S100PBP: variants seen among roughly 807,000 people sequenced by gnomAD.
S100PBP encodes S100P-binding protein.
In S100PBP, 15 loss-of-function variants were observed where a neutral mutation model predicts 39.9. The observed-to-expected ratio is 0.38, with a 90% CI of 0.25 to 0.58. S100PBP has a LOEUF of 0.58. Among genes scored for constraint, S100PBP ranks in the 20% least tolerant of loss-of-function variants. S100PBP has a pLI of 0.70. For missense variants in S100PBP, 504 were observed against 487.3 expected (o/e 1.03, Z -0.32); for synonymous variants, 178 against 180.3 (o/e 0.99, Z 0.10).
intron 5 of S100PBP, among the ~76,000 whole-genome samples, chr1:32,838,355 A>G (rs1639936941): frequency 6.8e-6 from 1 of 147,874 alleles, no homozygotes. Context: ...AAAAAAAAAG[A>G]AAAGAAAAGA....
Position 32,856,078 on chromosome 1 carries a change from G to A in S100PBP, c.*40G>A. The A allele has an allele frequency of 7.7e-7, 1 of 1,301,308 alleles. No individual in the cohort carries two copies. Among genetic ancestry groups the A allele is most frequent in the Non-Finnish European group, 1.1e-6 (1 of 899,050 alleles). The allele number at this position is 1,301,308 out of a possible 1,614,324, so 80.6% of individuals were successfully genotyped here. A position where few individuals can be genotyped will look rare whatever the true frequency, so the allele number is the denominator to read the frequency against. ...TCAGCAATGAAGGTCCCTATCCAGG[G>A]TCCTGCTTGGAGCAGCATTTCATGT... On this transcript the variant is annotated 3_prime_UTR_variant, in exon 7 of 7. Transcript: ENST00000373475.
At chr1:32,848,261 C>G (rs1158080403) in intron 5 of S100PBP, among the ~76,000 whole-genome samples, 1 of 151,936 alleles carries the variant, frequency 6.6e-6, no homozygotes, top group South Asian at 2.1e-4. Context: ...GAGCCAATAT[C>G]GAGTCACTGC....
intron 1 of S100PBP, among the ~76,000 whole-genome samples, chr1:32,822,473 C>T (rs1054724745): frequency 7.9e-5 from 12 of 151,642 alleles, no homozygotes; most frequent in Non-Finnish European, 1.2e-4. Flanking sequence ...ATTAGCCAGG[C>T]GTGGTGGCGG....
At chr1:32,848,076 A>G (rs1252394549) in intron 5 of S100PBP, among the ~76,000 whole-genome samples, 1 of 152,186 alleles carries the variant, frequency 6.6e-6, no homozygotes, top group African/African-American at 2.4e-5. Context: ...TGGGAGGCCA[A>G]GGTGGGTGGA....
chr1:32,818,212 T>A (rs1280861803), intron 1 of S100PBP: 4 of 152,218 alleles, frequency 2.6e-5, no homozygotes, highest in South Asian at 2.1e-4. Flanking sequence ...AACTCTCGCT[T>A]CTCCCGCTTT....
intron 1 of S100PBP, among the ~76,000 whole-genome samples, chr1:32,819,223 A>G (rs990569716): frequency 6.6e-6 from 1 of 152,170 alleles, no homozygotes; most frequent in South Asian, 2.1e-4. Flanking sequence ...TGGGGTGTAG[A>G]GGAACTAAGA....
chr1:32,826,938 T>A lies in S100PBP; in HGVS notation c.831+8T>A. 6.5e-7 allele frequency: 1 copy of A among 1,528,900 alleles called. No homozygotes were observed. Among genetic ancestry groups the A allele is most frequent in the Non-Finnish European group, 8.8e-7 (1 of 1,130,350 alleles). 94.7% of individuals were successfully genotyped at this position (1,528,900 alleles called of 1,614,324 possible). ...TCCACCTCATCAAACAAAGTAAGTATATTTTATTCAAGGTGAAGAGAAAAA... is the reference window on the plus strand; with the variant it reads ...TCCACCTCATCAAACAAAGTAAGTAAATTTTATTCAAGGTGAAGAGAAAAA... On this transcript the variant is annotated splice_region_variant and intron_variant, in intron 3 of 6. Transcript: ENST00000373475.
At chr1:32,840,390 C>T (rs113857301) in intron 5 of S100PBP, among the ~76,000 whole-genome samples, 4 of 152,212 alleles carry the variant, frequency 2.6e-5, no homozygotes, top group African/African-American at 9.6e-5. Flanking sequence ...GAGTCTTGCT[C>T]TGTTGCCCAA....
chr1:32,824,858 G>T (rs1269317007), intron 1 of S100PBP: 1 of 134,230 alleles, frequency 7.4e-6, no homozygotes, highest in Non-Finnish European at 1.5e-5. Context: ...AGATTTGTGT[G>T]TGTGTGATCA....
upstream of S100PBP, chr1:32,816,763 C>T: frequency 5.3e-6 from 1 of 188,364 alleles, no homozygotes; most frequent in Non-Finnish European, 1.1e-5. Context: ...GGAAGCCTTC[C>T]CTTCTCTCTT....
In S100PBP at chr1:32,855,913, T is replaced by G. The variant is rs752259388; in HGVS notation, c.1113-11T>G. 4.6e-5 allele frequency: 74 copies of G among 1,603,108 alleles called. No homozygotes were observed. The highest frequency in any genetic ancestry group is 6.2e-5 in the Non-Finnish European group (73 of 1,171,160). On this transcript the variant is annotated splice_polypyrimidine_tract_variant and intron_variant, in intron 6 of 6. Transcript: ENST00000373475. ...ATAGCCTTCCTGTTTGTACTCTCCC[T>G]CTCTCGATAGAAACTACGCCCGCCG...
chr1:32,853,101 C>G lies in S100PBP; in HGVS notation c.1047C>G (p.Ala349=), dbSNP rs1640680065. The G allele has an allele frequency of 6.2e-7, 1 of 1,612,958 alleles. No homozygotes were observed. The highest frequency in any genetic ancestry group is 1.3e-5 in the African/African-American group (1 of 74,754). Residue 349 remains alanine (A), a synonymous_variant, in exon 6 of 7, where the codon GCC becomes GCG. Transcript: ENST00000373475. ...TNQGISGELC[A]LMDQVHHMQH... The stretch of plus-strand genomic sequence containing the variant: ...CAGGTATCTCGGGGGAGCTTTGTGC[C>G]TTGATGGATCAAGTTCATCATATGC...
chr1:32,847,420 G>A (rs943660634), intron 5 of S100PBP: 1 of 152,146 alleles, frequency 6.6e-6, no homozygotes, highest in Non-Finnish European at 1.5e-5. Context: ...GAAAGCACTT[G>A]TTTCATAATT....
chr1:32,842,100 G>A (rs561266784), intron 5 of S100PBP, among the ~76,000 whole-genome samples: 7 of 146,850 alleles, frequency 4.8e-5, no homozygotes, highest in Admixed American at 4.2e-4. Flanking sequence ...AAGGCAGGAG[G>A]ATTGCTTAAG....
Position 32,826,856 on chromosome 1 carries a change from T to C in S100PBP, c.757T>C (p.Ser253Pro), listed in dbSNP as rs141271757. The C allele has an allele frequency of 9.3e-6, 15 of 1,613,464 alleles. No homozygotes were observed. The highest frequency in any genetic ancestry group is 1.7e-5 in the Admixed American group (1 of 59,884). Residue 253 changes from serine (S) to proline (P), a missense_variant, in exon 3 of 7, where the codon TCC becomes CCC. Ser to Pro is a moderately conservative substitution (Grantham distance 74, BLOSUM62 -1). Coordinates refer to ENST00000373475, the MANE Select transcript of S100PBP (RefSeq NM_022753.4). ...DHSETPNMEL[S>P]CRNGGSHKSS... is the part of the protein sequence containing the mutation. ...TTCAGAGACTCCTAATATGGAGTTATCCTGCAGAAATGGTGGTTCACACAA... is the reference window on the plus strand; with the variant it reads ...TTCAGAGACTCCTAATATGGAGTTACCCTGCAGAAATGGTGGTTCACACAA...
rs1032979269 is a variant in S100PBP at position 32,826,108 on chromosome 1, C to T, written c.9C>T (p.Cys3=). The T allele has an allele frequency of 2.5e-6, 4 of 1,607,190 alleles. No individual in the cohort carries two copies. Among genetic ancestry groups the T allele is most frequent in the East Asian group, 4.5e-5 (2 of 44,854 alleles). Residue 3 remains cysteine, a synonymous_variant, in exon 3 of 7, where the codon TGC becomes TGT. Transcript: ENST00000373475. MM[C]SRVPSEQSSG... Reference sequence around the variant, plus strand: ...CTCTTATTTCTCCAGAAATGATGTGCTCACGGGTGCCCTCTGAACAGTCTT... The same window carrying T: ...CTCTTATTTCTCCAGAAATGATGTGTTCACGGGTGCCCTCTGAACAGTCTT...
At chr1:32,842,412 A>T (rs1482895098) in intron 5 of S100PBP, among the ~76,000 whole-genome samples, 3 of 151,752 alleles carry the variant, frequency 2.0e-5, no homozygotes, top group Non-Finnish European at 1.5e-5. Context: ...TCAGGTTTCC[A>T]GGAAAAAAAA....
chr1:32,845,599 T>TGGTCTTG (rs1640330614), intron 5 of S100PBP, among the ~76,000 whole-genome samples: 9 of 152,086 alleles, frequency 5.9e-5, no homozygotes, highest in Non-Finnish European at 1.5e-5. Context: ...GAGAACTTTC[T>TGGTCTTG]ATTTTCTCTA....
At chr1:32,822,287 T>C (rs1298395427) in intron 1 of S100PBP, among the ~76,000 whole-genome samples, 1 of 152,164 alleles carries the variant, frequency 6.6e-6, no homozygotes, top group East Asian at 1.9e-4. Flanking sequence ...CTTATGTATA[T>C]GTTTTACTTT....
Sources: allele counts gnomAD v4.1 joint callset (sites outside exome capture counted in the v4.1 genomes callset), GRCh38; gene constraint gnomAD v4.1.1; transcripts MANE v1.5; gene names NCBI Gene and HGNC (gene_info 2026-07-23, HGNC 2026-07-21).